SPACA7: variants seen among roughly 807,000 people sequenced by gnomAD.
SPACA7 encodes the protein sperm acrosome-associated protein 7.
Under a neutral mutation model 26.3 loss-of-function variants are expected in SPACA7, and 19 were observed. The observed-to-expected ratio is 0.72, with a 90% CI of 0.50 to 1.06. The LOEUF (loss-of-function observed/expected upper bound fraction) is 1.06, where lower values mean the gene tolerates loss of function less well. Among genes scored for constraint, SPACA7 ranks in the 50% least tolerant of loss-of-function variants. The pLI is 0.00. For synonymous variants in SPACA7, 84 were observed against 84.5 expected (o/e 0.99, Z 0.04); for missense variants, 211 against 229.9 (o/e 0.92, Z 0.53).
At chr13:112,430,170 CTCTCTGTG>C (rs1876941207) in intron 5 of SPACA7, among the ~76,000 whole-genome samples, 1 of 115,080 alleles carries the variant, frequency 8.7e-6, no homozygotes, top group African/African-American at 3.7e-5. Flanking sequence ...TTGCATCTCT[CTCTCTGTG>C]TGTGTGTGTG....
At chr13:112,377,925 G>C (rs1204319175) in intron 1 of SPACA7, among the ~76,000 whole-genome samples, 1 of 152,230 alleles carries the variant, frequency 6.6e-6, no homozygotes. Context: ...TCCGAATCCA[G>C]AGGGCAGTCT....
chr13:112,393,269 A>G (rs1393405981), intron 2 of SPACA7, among the ~76,000 whole-genome samples, 192 bp downstream of exon 2: 2 of 151,050 alleles, frequency 1.3e-5, no homozygotes, highest in Non-Finnish European at 2.9e-5. Flanking sequence ...TCAAGAAATT[A>G]AGGAAGACAG....
At chr13:112,420,570 G>A (rs1875851456) in intron 5 of SPACA7, among the ~76,000 whole-genome samples, 1 of 152,074 alleles carries the variant, frequency 6.6e-6, no homozygotes, top group Non-Finnish European at 1.5e-5. Context: ...TTACCAAAGA[G>A]TTATGGGTAA....
At chr13:112,383,116 A>AAAG (rs1491047457) in intron 1 of SPACA7, among the ~76,000 whole-genome samples, 1 of 33,584 alleles carries the variant, frequency 3.0e-5, no homozygotes, top group Non-Finnish European at 1.5e-4. Flanking sequence ...AAAAGAAAAG[A>AAAG]AAAGAAAAGA....
At chr13:112,390,493 TAGTC>T (rs924369361) in intron 1 of SPACA7, among the ~76,000 whole-genome samples, 5 of 152,302 alleles carry the variant, frequency 3.3e-5, no homozygotes, top group African/African-American at 1.2e-4. Flanking sequence ...CCCTCTGTAT[TAGTC>T]AGTTCTTGCA....
intron 5 of SPACA7, among the ~76,000 whole-genome samples, chr13:112,410,850 C>G (rs950627703): frequency 1.3e-5 from 2 of 152,120 alleles, no homozygotes; most frequent in Non-Finnish European, 2.9e-5. Flanking sequence ...CATTTATACC[C>G]CTGTGTTCAT....
Position 112,434,553 on chromosome 13 carries a change from C to A in SPACA7, c.*4C>A. 3.7e-6 allele frequency: 6 copies of A among 1,602,436 alleles called. No homozygotes were observed. Among genetic ancestry groups the A allele is most frequent in the East Asian group, 2.2e-5 (1 of 44,486 alleles). On this transcript the variant is annotated 3_prime_UTR_variant, in exon 7 of 7. Transcript: ENST00000283550. ...GAGGAGCCAAGGCAGTCAGTGAGGCCGCAGCCCCAGACCCCCTGCGCAGGA... is the reference window on the plus strand; with the variant it reads ...GAGGAGCCAAGGCAGTCAGTGAGGCAGCAGCCCCAGACCCCCTGCGCAGGA...
intron 1 of SPACA7, among the ~76,000 whole-genome samples, chr13:112,380,646 G>GT (rs1392512506): frequency 1.3e-5 from 2 of 151,794 alleles, no homozygotes; most frequent in African/African-American, 4.8e-5. Flanking sequence ...ATTTTGTCCG[G>GT]TTTTTTCTCT....
chr13:112,431,718 TAA>T (rs922035341), intron 5 of SPACA7, among the ~76,000 whole-genome samples: 1 of 152,208 alleles, frequency 6.6e-6, no homozygotes, highest in Non-Finnish European at 1.5e-5. Flanking sequence ...TTGGGAGAAC[TAA>T]AGAGAGGTGG....
At chr13:112,393,113 C>T (rs752516430) in intron 2 of SPACA7, 36 bp downstream of exon 2, 43 of 1,556,656 alleles carry the variant, frequency 2.8e-5, no homozygotes, top group Middle Eastern at 1.7e-4. Flanking sequence ...CTGGCCTGTA[C>T]GTGAAGAGGG....
intron 5 of SPACA7, among the ~76,000 whole-genome samples, chr13:112,425,591 C>T (rs183988753): frequency 1.1e-4 from 16 of 152,072 alleles, no homozygotes; most frequent in Admixed American, 3.3e-4. Flanking sequence ...AGTATGAAAC[C>T]GTTTTGTTTT....
At position 112,429,229 on chromosome 13, in the gene SPACA7, G is replaced by T. The variant is rs571304433; in HGVS notation, c.446-3215G>T. On this transcript the variant is annotated intron_variant, in intron 5 of 6. Coordinates refer to ENST00000283550, the MANE Select transcript of SPACA7 (RefSeq NM_145248.5). ...TCATCTCTACAAAAAATAAAATATT[G>T]GCTTGGTGTTGTGACACACACTTGT... Among the ~76,000 whole-genome samples the T allele has an allele frequency of 3.3e-3, 496 of 152,060 alleles. 2 individuals are homozygous for T. The highest frequency in any genetic ancestry group is 0.011 in the African/African-American group (441 of 41,492).
chr13:112,398,651 T>A (rs1246044522), intron 3 of SPACA7, among the ~76,000 whole-genome samples: 1 of 152,158 alleles, frequency 6.6e-6, no homozygotes, highest in Non-Finnish European at 1.5e-5. Context: ...CAGCTTCACA[T>A]GGTCAAAGAC....
chr13:112,378,639 G>A (rs756653840), intron 1 of SPACA7: 10 of 469,818 alleles, frequency 2.1e-5, no homozygotes, highest in South Asian at 1.1e-4. Context: ...TCTCTCTTCC[G>A]AAGGTCTCGA....
At chr13:112,391,890 A>G (rs1220437462) in intron 1 of SPACA7, among the ~76,000 whole-genome samples, 1 of 152,182 alleles carries the variant, frequency 6.6e-6, no homozygotes, top group African/African-American at 2.4e-5. Flanking sequence ...CTGGGAAGCA[A>G]TTGCCATCAC....
chr13:112,407,727 T>C (rs1886078221), intron 5 of SPACA7, among the ~76,000 whole-genome samples: 1 of 152,132 alleles, frequency 6.6e-6, no homozygotes, highest in African/African-American at 2.4e-5. Flanking sequence ...CAATAATTAA[T>C]AGCCTACCAA....
chr13:112,430,637 C>T (rs532716214), intron 5 of SPACA7, among the ~76,000 whole-genome samples: 9 of 152,256 alleles, frequency 5.9e-5, no homozygotes, highest in East Asian at 1.9e-4. Context: ...CCAGCTCAGC[C>T]GCATACAGCC....
rs1413936494 is a variant in SPACA7 at position 112,413,114 on chromosome 13, C to T, written c.445+11950C>T. 2.6e-5 allele frequency among the ~76,000 whole-genome samples: 4 copies of T among 152,084 alleles called. No individual in the cohort carries two copies. The East Asian group carries it at 7.7e-4, about 29-fold the overall frequency. ...ACTAAAGATATGAGTGGTTTGCACA[C>T]CACAATTGCAGTGTTAGAGTGCTCT... On this transcript the variant is annotated intron_variant, in intron 5 of 6. Coordinates refer to ENST00000283550, the MANE Select transcript of SPACA7 (RefSeq NM_145248.5).
At chr13:112,393,984 CAAAAAA>C (rs35094954) in intron 2 of SPACA7, among the ~76,000 whole-genome samples, 30 of 133,368 alleles carry the variant, frequency 2.2e-4, no homozygotes, top group Admixed American at 2.0e-3. Flanking sequence ...GACTCTGTCT[CAAAAAA>C]AAAAAAAAAG....
Sources: allele counts gnomAD v4.1 joint callset (sites outside exome capture counted in the v4.1 genomes callset), GRCh38; gene constraint gnomAD v4.1.1; transcripts MANE v1.5; gene names NCBI Gene and HGNC (gene_info 2026-07-23, HGNC 2026-07-21).